The following GPATCH2 variants were observed in gnomAD, a reference collection of about 807,000 sequenced individuals.
GPATCH2 encodes G patch domain-containing protein 2.
GPATCH2 carries 51 observed loss-of-function variants against 58.0 expected under a neutral mutation model. That is an observed-to-expected ratio of 0.88 (90% CI 0.70 to 1.11). The LOEUF is 1.11. GPATCH2 is among the 50% of genes most tolerant of loss of function. GPATCH2 has a pLI of 0.00. For missense variants in GPATCH2, 625 were observed against 652.2 expected, an observed-to-expected ratio of 0.96 and a Z score of 0.45; for synonymous variants, 222 against 218.5, an observed-to-expected ratio of 1.02 and a Z score of -0.14.
At chr1:217,500,270 T>C (rs1404222579) in intron 6 of GPATCH2, among the ~76,000 whole-genome samples, 1 of 152,064 alleles carries the variant, frequency 6.6e-6, no homozygotes, top group Admixed American at 6.6e-5. Context: ...TCTGAAAATA[T>C]GCCCATCCCT....
At chr1:217,606,333 T>C (rs1209008170) in intron 5 of GPATCH2, among the ~76,000 whole-genome samples, 1 of 151,896 alleles carries the variant, frequency 6.6e-6, no homozygotes, top group Admixed American at 6.6e-5. Flanking sequence ...ACCTAAAATT[T>C]ATTTGAAACT....
At chr1:217,443,490 T>C (rs1373215124) in intron 9 of GPATCH2, among the ~76,000 whole-genome samples, 1 of 152,190 alleles carries the variant, frequency 6.6e-6, no homozygotes, top group Non-Finnish European at 1.5e-5. Flanking sequence ...TCAAGTTTTA[T>C]TACAATGTGA....
rs562023802 is a variant in GPATCH2, at chr1:217,582,525, T to G, written c.1098+27796A>C. ...ATAAAAGCAGAAAAAGTTCAGGCAATAAACCCAAAAAAATGACTAGCAGGA... is the reference window on the plus strand; with the variant it reads ...ATAAAAGCAGAAAAAGTTCAGGCAAGAAACCCAAAAAAATGACTAGCAGGA... On this transcript the variant is annotated intron_variant, in intron 5 of 9. Transcript: ENST00000366935. 1.1e-4 allele frequency among the ~76,000 whole-genome samples: 17 copies of G among 152,080 alleles called. No individual in the cohort carries two copies. The East Asian group carries it at 2.9e-3, about 26-fold the overall frequency.
intron 5 of GPATCH2, among the ~76,000 whole-genome samples, chr1:217,583,386 A>G (rs897754864): frequency 6.6e-6 from 1 of 152,016 alleles, no homozygotes; most frequent in South Asian, 2.1e-4. Context: ...CCTGGCAAAC[A>G]TGGTGAAACC....
chr1:217,610,177 TG>T, intron 5 of GPATCH2, 143 bp downstream of exon 5: 1 of 1,583,032 alleles, frequency 6.3e-7, no homozygotes, highest in Non-Finnish European at 8.6e-7. Flanking sequence ...GGAATCTCAC[TG>T]GTCCAGTTTG....
intron 9 of GPATCH2, among the ~76,000 whole-genome samples, chr1:217,444,703 G>A (rs781208324): frequency 6.6e-6 from 1 of 152,148 alleles, no homozygotes. Flanking sequence ...CATTCAGATA[G>A]AGTCTGGTTT....
At chr1:217,458,418 T>C (rs1277464032) in intron 8 of GPATCH2, among the ~76,000 whole-genome samples, 1 of 152,162 alleles carries the variant, frequency 6.6e-6, no homozygotes, top group Non-Finnish European at 1.5e-5. Context: ...TAACTGAAAA[T>C]GGTAGCGGCT....
intron 5 of GPATCH2, among the ~76,000 whole-genome samples, chr1:217,605,332 G>A (rs1668303521): frequency 2.0e-5 from 3 of 152,162 alleles, no homozygotes; most frequent in Non-Finnish European, 4.4e-5. Context: ...TGTACAGCAT[G>A]ATAAATTGGA....
intron 3 of GPATCH2, 151 bp from the exon 4 acceptor site, chr1:217,611,222 T>C: frequency 1.4e-6 from 1 of 691,354 alleles, no homozygotes; most frequent in Non-Finnish European, 2.4e-6. Context: ...ATTATATACT[T>C]GCACTAAATT....
chr1:217,596,458 T>C (rs571920627), intron 5 of GPATCH2, among the ~76,000 whole-genome samples: 6 of 152,262 alleles, frequency 3.9e-5, no homozygotes, highest in South Asian at 2.1e-4. Context: ...GTCTATAAGA[T>C]GGAGAGGAGA....
At chr1:217,629,700 C>A (rs1213767366) in intron 1 of GPATCH2, among the ~76,000 whole-genome samples, 2 of 152,076 alleles carry the variant, frequency 1.3e-5, no homozygotes, top group Non-Finnish European at 2.9e-5. Context: ...TAAAATTAAG[C>A]CTGTAAAAAT....
intron 5 of GPATCH2, among the ~76,000 whole-genome samples, chr1:217,541,652 T>A (rs1307672397): frequency 1.3e-5 from 2 of 152,232 alleles, no homozygotes; most frequent in African/African-American, 2.4e-5. Flanking sequence ...TAAGCTTCTA[T>A]ATTCTGTTCA....
At position 217,471,778 on chromosome 1, in the gene GPATCH2, T is replaced by C. The variant is rs139964964; in HGVS notation, c.1277+19902A>G. Among the ~76,000 whole-genome samples, 51 of 152,306 alleles carry C rather than the reference T, an allele frequency of 3.3e-4. No homozygotes were observed. The East Asian group carries it at 9.8e-3, about 29-fold the overall frequency. ...GCAAAATGACAGGAAAAAAAGTTTC[T>C]TTCTTCTCACTATTAATAGACAACC... On this transcript the variant is annotated intron_variant, in intron 8 of 9. Transcript: ENST00000366935.
intron 5 of GPATCH2, among the ~76,000 whole-genome samples, chr1:217,604,382 C>T (rs1261481357): frequency 1.3e-5 from 2 of 151,072 alleles, no homozygotes; most frequent in African/African-American, 4.9e-5. Flanking sequence ...AATGTGAAAT[C>T]TGGATCTTAA....
chr1:217,493,752 A>T (rs1008575877), intron 7 of GPATCH2, among the ~76,000 whole-genome samples: 3 of 152,180 alleles, frequency 2.0e-5, no homozygotes, highest in African/African-American at 2.4e-5. Context: ...CCTTTTAAAA[A>T]ATATATATAC....
chr1:217,466,440 G>T (rs970200727), intron 8 of GPATCH2, among the ~76,000 whole-genome samples: 4 of 152,040 alleles, frequency 2.6e-5, no homozygotes, highest in Non-Finnish European at 5.9e-5. Context: ...GCCCAGGCAG[G>T]TCTCAAACTC....
chr1:217,427,605 A>T lies in GPATCH2; in HGVS notation c.*3540T>A, dbSNP rs1658382759. On this transcript the variant is annotated 3_prime_UTR_variant, in exon 10 of 10. Transcript: ENST00000366935. ...ATGACTTTCTACCAAAAGAAAAAAT[A>T]AAAAAAAATATTCTTTGCTAACAAT... 1.4e-5 allele frequency: 1 copy of T among 73,672 alleles called. No homozygotes were observed. The highest frequency in any genetic ancestry group is 1.1e-4 in the Admixed American group (1 of 8,732). 4.6% of individuals were successfully genotyped at this position (73,672 alleles called of 1,614,324 possible). A position where few individuals can be genotyped will look rare whatever the true frequency, so the allele number is the denominator to read the frequency against.
At chr1:217,594,825 T>C (rs1293769074) in intron 5 of GPATCH2, among the ~76,000 whole-genome samples, 2 of 152,210 alleles carry the variant, frequency 1.3e-5, no homozygotes, top group East Asian at 1.9e-4. Flanking sequence ...CTTTCCCATA[T>C]ATAAAGTGCC....
chr1:217,527,399 T>C (rs989615177), intron 5 of GPATCH2, among the ~76,000 whole-genome samples: 1 of 152,140 alleles, frequency 6.6e-6, no homozygotes, highest in Non-Finnish European at 1.5e-5. Context: ...GAAAGTTCTT[T>C]AAGTGACTGA....
Sources: allele counts gnomAD v4.1 joint callset (sites outside exome capture counted in the v4.1 genomes callset), GRCh38; gene constraint gnomAD v4.1.1; transcripts MANE v1.5; gene names NCBI Gene and HGNC (gene_info 2026-07-23, HGNC 2026-07-21).